DENND2A: variants seen among roughly 807,000 people sequenced by gnomAD.
The protein encoded by DENND2A is DENN domain-containing protein 2A.
In DENND2A, 53 loss-of-function variants were observed where a neutral mutation model predicts 105.3. That is an observed-to-expected ratio of 0.50 (90% CI 0.40 to 0.63). The LOEUF is 0.63. Ranked by LOEUF, DENND2A falls within the 30% of genes least tolerant of loss-of-function variation. DENND2A has a pLI of 0.00. For missense variants in DENND2A, 1,138 were observed against 1,279.6 expected, an observed-to-expected ratio of 0.89 and a Z score of 1.69; for synonymous variants, 522 against 508.4, an observed-to-expected ratio of 1.03 and a Z score of -0.36.
At chr7:140,612,448 T>C (rs1472795947) in intron 1 of DENND2A, among the ~76,000 whole-genome samples, 1 of 151,988 alleles carries the variant, frequency 6.6e-6, no homozygotes, top group Non-Finnish European at 1.5e-5. Context: ...CTCTGAAGCA[T>C]AAGTAAATAT....
chr7:140,566,761 A>G (rs1434083205), intron 9 of DENND2A, among the ~76,000 whole-genome samples: 1 of 134,430 alleles, frequency 7.4e-6, no homozygotes, highest in African/African-American at 2.9e-5. Context: ...ATCTTGGCTC[A>G]CTGCAACCTC....
intron 1 of DENND2A, among the ~76,000 whole-genome samples, chr7:140,638,530 C>T (rs1003071934): frequency 6.6e-6 from 1 of 152,172 alleles, no homozygotes; most frequent in East Asian, 1.9e-4. Context: ...CACCCAACAA[C>T]TAGAAGGAGC....
At chr7:140,553,804 C>T (rs529052965) in intron 12 of DENND2A, among the ~76,000 whole-genome samples, 5 of 152,182 alleles carry the variant, frequency 3.3e-5, no homozygotes, top group South Asian at 2.1e-4. Context: ...GAGAGCACGG[C>T]GTTGGGGGTA....
chr7:140,526,159 C>G (rs1306896069), intron 15 of DENND2A, among the ~76,000 whole-genome samples: 2 of 152,184 alleles, frequency 1.3e-5, no homozygotes, highest in Admixed American at 1.3e-4. Context: ...ACCCTAGGGC[C>G]CCTGCCTTGT....
chr7:140,602,779 C>A (rs1799563163), intron 2 of DENND2A, among the ~76,000 whole-genome samples: 1 of 151,412 alleles, frequency 6.6e-6, no homozygotes. Context: ...TCAAAACCAG[C>A]CTGGGCAACA....
chr7:140,636,915 T>C (rs773229688), intron 1 of DENND2A, among the ~76,000 whole-genome samples: 1 of 151,990 alleles, frequency 6.6e-6, no homozygotes, highest in African/African-American at 2.4e-5. Context: ...GGCTGGAATG[T>C]AGTGATGCAA....
At chr7:140,553,129 C>T (rs887357798) in intron 12 of DENND2A, among the ~76,000 whole-genome samples, 6 of 152,012 alleles carry the variant, frequency 3.9e-5, no homozygotes, top group Non-Finnish European at 8.8e-5. Context: ...TGGAGGATCC[C>T]GCCAGCCTCT....
At chr7:140,541,322 C>G (rs1796649281) in intron 14 of DENND2A, among the ~76,000 whole-genome samples, 1 of 152,006 alleles carries the variant, frequency 6.6e-6, no homozygotes, top group Non-Finnish European at 1.5e-5. Context: ...CGGCTCCTCT[C>G]CAGCTGTGCC....
chr7:140,567,082 T>A lies in DENND2A; in HGVS notation c.1779+4A>T. On this transcript the variant is annotated splice_donor_region_variant and intron_variant, in intron 9 of 19. Coordinates refer to ENST00000496613, the MANE Select transcript of DENND2A (RefSeq NM_015689.5). ...AGGCCACAGGGACCTGGCCACCCTG[T>A]TACCTTCAGAGGGAACTGTTGGGTG... 6.3e-7 allele frequency: 1 copy of A among 1,577,172 alleles called. No homozygotes were observed. The highest frequency in any genetic ancestry group is 8.6e-7 in the Non-Finnish European group (1 of 1,159,936).
rs535750050 is a variant in DENND2A at position 140,521,507 on chromosome 7, C to T, written c.2911+348G>A. On this transcript the variant is annotated intron_variant, in intron 18 of 19. Transcript: ENST00000496613. Reference sequence around the variant, plus strand: ...GTCCAGGCTGGTCTTGAACTCCTGACCTCAAGTGATCTGCATGCCTTGGCC... The same window carrying T: ...GTCCAGGCTGGTCTTGAACTCCTGATCTCAAGTGATCTGCATGCCTTGGCC... Among the ~76,000 whole-genome samples the T allele has an allele frequency of 2.6e-5, 4 of 152,180 alleles. No homozygotes were observed. In the South Asian group the frequency reaches 8.3e-4, roughly 32 times the overall value.
At position 140,587,556 on chromosome 7, in the gene DENND2A, A is replaced by C. The variant is rs965249121; in HGVS notation, c.1123+97T>G. 5 of 1,523,326 alleles carry C rather than the reference A, an allele frequency of 3.3e-6. No individual in the cohort carries two copies. The Admixed American group carries it at 5.1e-5, about 16-fold the overall frequency. The allele number at this position is 1,523,326 out of a possible 1,614,324, so 94.4% of individuals were successfully genotyped here. The stretch of plus-strand genomic sequence containing the variant: ...TGTCTTCAAGTGTGTGTGTGTGTAC[A>C]TGTGTGTGCACGTGTGTTTCCAGCA... On this transcript the variant is annotated intron_variant, in intron 4 of 19. Transcript: ENST00000496613.
rs1311696663 is a variant in DENND2A at position 140,523,815 on chromosome 7, C to T, written c.2548-391G>A. On this transcript the variant is annotated intron_variant, in intron 16 of 19. Coordinates refer to ENST00000496613, the MANE Select transcript of DENND2A (RefSeq NM_015689.5). The surrounding 1 kb of genome is among the most constrained non-coding windows in gnomAD (Gnocchi z 4.5). ...CTCGAACTCCTGACCTCAGGTGATC[C>T]GCCCACCTTGGTCTCCCAAAGTGCT... Among the ~76,000 whole-genome samples the T allele has an allele frequency of 1.3e-5, 2 of 152,150 alleles. No homozygotes were observed. The highest frequency in any genetic ancestry group is 2.9e-5 in the Non-Finnish European group (2 of 68,034).
At chr7:140,579,814 A>G (rs1379956350) in intron 5 of DENND2A, among the ~76,000 whole-genome samples, 2 of 152,186 alleles carry the variant, frequency 1.3e-5, no homozygotes, top group Non-Finnish European at 2.9e-5. Flanking sequence ...TTTAAAATAC[A>G]CACACATAAA....
At chr7:140,525,676 G>A in intron 16 of DENND2A, 75 bp downstream of exon 16, 2 of 1,380,740 alleles carry the variant, frequency 1.4e-6, no homozygotes, top group Middle Eastern at 2.0e-4. Flanking sequence ...GCCTTTCCAA[G>A]GCTGGAGAGC....
chr7:140,569,218 C>T (rs758034447), intron 7 of DENND2A, among the ~76,000 whole-genome samples: 3 of 152,206 alleles, frequency 2.0e-5, no homozygotes, highest in Non-Finnish European at 2.9e-5. Flanking sequence ...TGAGCCACCG[C>T]GCCCCGCCTC....
At chr7:140,585,496 G>T (rs1382002222) in intron 5 of DENND2A, 93 bp downstream of exon 5, 3 of 1,551,380 alleles carry the variant, frequency 1.9e-6, no homozygotes, top group Non-Finnish European at 2.6e-6. Context: ...GGTGGAGGTG[G>T]CCTGGAATTC....
chr7:140,557,579 G>A (rs1230237876), intron 11 of DENND2A, among the ~76,000 whole-genome samples: 13 of 93,650 alleles, frequency 1.4e-4, no homozygotes, highest in Non-Finnish European at 2.4e-4. Context: ...TCGCTCTGTC[G>A]CCCAGGCTGG....
Position 140,544,888 on chromosome 7 carries a change from G to A in DENND2A, c.2179-122C>T, listed in dbSNP as rs948566010. On this transcript the variant is annotated intron_variant, in intron 13 of 19. Coordinates refer to ENST00000496613, the MANE Select transcript of DENND2A (RefSeq NM_015689.5). ...GGGGTGACCCACTGGTGGGGGAAAA[G>A]GGAAAGAAAAAAAGCAAAACAAAAG... 9 of 1,467,860 alleles carry A rather than the reference G, an allele frequency of 6.1e-6. No homozygotes were observed. In the East Asian group the frequency reaches 1.0e-4, roughly 16 times the overall value. The allele number at this position is 1,467,860 out of a possible 1,614,324, so 90.9% of individuals were successfully genotyped here.
intron 14 of DENND2A, among the ~76,000 whole-genome samples, chr7:140,540,669 C>T (rs930133743): frequency 2.6e-5 from 4 of 152,064 alleles, no homozygotes; most frequent in Non-Finnish European, 5.9e-5. Flanking sequence ...AAGGCGGAGG[C>T]GTCAAGTCCT....
Sources: allele counts gnomAD v4.1 joint callset (sites outside exome capture counted in the v4.1 genomes callset), GRCh38; gene constraint gnomAD v4.1.1; non-coding constraint Gnocchi (gnomAD v3.1); transcripts MANE v1.5; gene names NCBI Gene and HGNC (gene_info 2026-07-23, HGNC 2026-07-21).